The following JMJD1C variants were observed in gnomAD, a reference collection of about 807,000 sequenced individuals.
The protein encoded by JMJD1C is jumonji domain-containing protein 1C.
JMJD1C carries 31 observed loss-of-function variants against 245.3 expected under a neutral mutation model. The ratio of observed to expected loss-of-function variants is 0.13; its 90% CI spans 0.09 to 0.17. The LOEUF is 0.17. Ranked by LOEUF, JMJD1C falls within the 10% of genes least tolerant of loss-of-function variation. JMJD1C has a pLI of 1.00. For synonymous variants in JMJD1C, 1,057 were observed against 1,017.4 expected (o/e 1.04, Z -0.74); for missense variants, 2,691 against 3,000.2 (o/e 0.90, Z 2.41).
intron 2 of JMJD1C, among the ~76,000 whole-genome samples, chr10:63,350,533 C>T (rs1034456378): frequency 6.6e-6 from 1 of 151,996 alleles, no homozygotes; most frequent in Non-Finnish European, 1.5e-5. Context: ...ATTGTTTTCT[C>T]CTTTGTAGAG....
chr10:63,191,273 AG>A (rs1844763739), intron 16 of JMJD1C, among the ~76,000 whole-genome samples, 165 bp from the exon 17 acceptor site: 1 of 152,148 alleles, frequency 6.6e-6, no homozygotes, highest in Non-Finnish European at 1.5e-5. Context: ...CTGGGACTAC[AG>A]GCATGTGCCA....
At chr10:63,343,115 A>G (rs1668951994) in intron 2 of JMJD1C, among the ~76,000 whole-genome samples, 1 of 152,168 alleles carries the variant, frequency 6.6e-6, no homozygotes, top group Admixed American at 6.5e-5. Flanking sequence ...CAATCCCAGA[A>G]CTTTGGGAGG....
At chr10:63,440,365 T>G (rs576983017) in intron 1 of JMJD1C, among the ~76,000 whole-genome samples, 2,258 of 138,192 alleles carry the variant, frequency 0.016, 40 homozygotes, top group African/African-American at 0.035. Flanking sequence ...TATATATATA[T>G]AGAGAGAGAG....
intron 2 of JMJD1C, among the ~76,000 whole-genome samples, chr10:63,315,716 T>C (rs933609499): frequency 6.6e-6 from 1 of 151,794 alleles, no homozygotes; most frequent in Non-Finnish European, 1.5e-5. Flanking sequence ...GGCATGCACC[T>C]GTAGTCCCAG....
chr10:63,406,757 A>T (rs1021510931), intron 1 of JMJD1C, among the ~76,000 whole-genome samples: 8 of 152,186 alleles, frequency 5.3e-5, no homozygotes, highest in Admixed American at 5.2e-4. Flanking sequence ...ACCATAACTT[A>T]TAATATTAAC....
chr10:63,302,469 G>GA (rs952307976), intron 2 of JMJD1C, among the ~76,000 whole-genome samples: 42 of 151,938 alleles, frequency 2.8e-4, no homozygotes, highest in African/African-American at 8.9e-4. Flanking sequence ...TTGAAAAACA[G>GA]AAAAAAAGTA....
rs931930711 is a variant in JMJD1C at position 63,205,433 on chromosome 10, T to C, written c.5074+1162A>G. On this transcript the variant is annotated intron_variant, in intron 10 of 25. Coordinates refer to ENST00000399262, the MANE Select transcript of JMJD1C (RefSeq NM_032776.3). ...CAACCTACCATGGATCAAAAATACT[T>C]GGGGGAAAAAATATTCTACAAAGTT... Among the ~76,000 whole-genome samples, 7 of 152,104 alleles carry C rather than the reference T, an allele frequency of 4.6e-5. 1 individual carries two copies. The South Asian group carries it at 6.2e-4, about 14-fold the overall frequency.
intron 1 of JMJD1C, among the ~76,000 whole-genome samples, chr10:63,521,031 C>G (rs1250197361): frequency 6.6e-6 from 1 of 152,226 alleles, no homozygotes; most frequent in African/African-American, 2.4e-5. Flanking sequence ...ACACCGAGTT[C>G]CTGCGAATAT....
rs776229550 is a variant in JMJD1C at position 63,465,624 on chromosome 10, C to G, written c.39G>C (p.Arg13=). ...CGTCGCCGACCGCCACACACAGGAACCGCTTACCCACCAGCTCTGCCCGCG... is the reference window on the plus strand; with the variant it reads ...CGTCGCCGACCGCCACACACAGGAAGCGCTTACCCACCAGCTCTGCCCGCG... The part of the protein sequence containing the change: ...VETRAELVGK[R]FLCVAVGDEA... The change falls in exon 1 of 26, where the codon CGG becomes CGC. Residue 13 remains arginine (R), a synonymous_variant. Transcript: ENST00000399262. 1.9e-6 allele frequency: 3 copies of G among 1,610,242 alleles called. No homozygotes were observed. Among genetic ancestry groups the G allele is most frequent in the South Asian group, 1.1e-5 (1 of 91,076 alleles).
chr10:63,427,417 C>T, intron 1 of JMJD1C: 2 of 1,115,182 alleles, frequency 1.8e-6, no homozygotes, highest in South Asian at 1.3e-5. Context: ...AGACACAGTA[C>T]ACCGGGAGGT....
At chr10:63,319,086 C>A (rs1443237417) in intron 2 of JMJD1C, among the ~76,000 whole-genome samples, 1 of 151,880 alleles carries the variant, frequency 6.6e-6, no homozygotes, top group Non-Finnish European at 1.5e-5. Flanking sequence ...TGGTGAAACA[C>A]CGTCTCTACT....
intron 1 of JMJD1C, among the ~76,000 whole-genome samples, chr10:63,444,372 C>T (rs1413450463): frequency 6.6e-6 from 1 of 152,092 alleles, no homozygotes; most frequent in Non-Finnish European, 1.5e-5. Context: ...CTCCCAGGTT[C>T]AAGAGATTCT....
intron 23 of JMJD1C, 110 bp downstream of exon 23, chr10:63,177,607 G>T: frequency 8.6e-7 from 1 of 1,168,790 alleles, no homozygotes; most frequent in Non-Finnish European, 1.2e-6. Flanking sequence ...CTACTTTGAA[G>T]TAAAAATTAT....
chr10:63,473,985 G>A (rs55985758), intron 1 of JMJD1C, among the ~76,000 whole-genome samples: 2,913 of 152,050 alleles, frequency 0.019, 94 homozygotes, highest in African/African-American at 0.065. Flanking sequence ...GAACGTTGCA[G>A]TGAGCCGAGA....
intron 1 of JMJD1C, among the ~76,000 whole-genome samples, chr10:63,397,559 A>G: frequency 6.7e-6 from 1 of 149,306 alleles, no homozygotes; most frequent in South Asian, 2.1e-4. Flanking sequence ...TTTGAACAGG[A>G]TCTCACTCTT....
chr10:63,346,761 T>C (rs1589541555), intron 2 of JMJD1C, among the ~76,000 whole-genome samples: 1 of 152,214 alleles, frequency 6.6e-6, no homozygotes, highest in East Asian at 1.9e-4. Flanking sequence ...TGAAAGTTTT[T>C]CTTTTAACAG....
intron 1 of JMJD1C, among the ~76,000 whole-genome samples, chr10:63,456,786 C>A (rs1952443329): frequency 6.6e-6 from 1 of 151,920 alleles, no homozygotes; most frequent in Non-Finnish European, 1.5e-5. Context: ...CTGGAAGAAA[C>A]CTGAAATAAT....
intron 2 of JMJD1C, among the ~76,000 whole-genome samples, chr10:63,346,874 T>A (rs556041073): frequency 6.6e-6 from 1 of 152,082 alleles, no homozygotes; most frequent in Non-Finnish European, 1.5e-5. Flanking sequence ...TAAAAGGCAG[T>A]TTTAAAGTTC....
chr10:63,347,366 G>A (rs2134263256), intron 2 of JMJD1C, among the ~76,000 whole-genome samples: 2 of 149,256 alleles, frequency 1.3e-5, no homozygotes, highest in East Asian at 2.0e-4. Context: ...GGTGGATCAC[G>A]AGGTCAGGAG....
Sources: allele counts gnomAD v4.1 joint callset (sites outside exome capture counted in the v4.1 genomes callset), GRCh38; gene constraint gnomAD v4.1.1; transcripts MANE v1.5; gene names NCBI Gene and HGNC (gene_info 2026-07-23, HGNC 2026-07-21).